The following CERKL variants were observed in gnomAD, a reference collection of about 807,000 sequenced individuals.
CERKL encodes CERK like autophagy regulator, also known as ceramide kinase-like protein.
A neutral mutation model predicts 63.4 loss-of-function variants in CERKL; 61 were observed. The ratio of observed to expected loss-of-function variants is 0.96; its 90% CI spans 0.78 to 1.19. The LOEUF is 1.19. Among genes scored for constraint, CERKL ranks in the 50% most tolerant of loss-of-function variants. The probability of loss-of-function intolerance (pLI) is 0.00; values close to 1 mark genes in which losing one functional copy is unlikely to be tolerated. For synonymous variants in CERKL, 250 were observed against 230.5 expected, an observed-to-expected ratio of 1.08 and a Z score of -0.77; for missense variants, 675 against 655.5, an observed-to-expected ratio of 1.03 and a Z score of -0.33.
At chr2:181,564,236 G>A (rs993806934) in intron 4 of CERKL, among the ~76,000 whole-genome samples, 2 of 152,036 alleles carry the variant, frequency 1.3e-5, no homozygotes, top group Non-Finnish European at 2.9e-5. Flanking sequence ...TTCCTAAAAG[G>A]CCACTGACTG....
At chr2:181,650,574 C>T (rs1478777954) in intron 1 of CERKL, among the ~76,000 whole-genome samples, 3 of 152,092 alleles carry the variant, frequency 2.0e-5, no homozygotes, top group Non-Finnish European at 2.9e-5. Flanking sequence ...GCCTGACCAA[C>T]ATGGAGAAAC....
chr2:181,647,189 G>A (rs1422503100), intron 1 of CERKL, among the ~76,000 whole-genome samples: 2 of 152,184 alleles, frequency 1.3e-5, no homozygotes, highest in South Asian at 2.1e-4. Flanking sequence ...GAATGGAAGC[G>A]AATGAAGGCT....
chr2:181,580,587 A>G (rs1347100592), intron 2 of CERKL, among the ~76,000 whole-genome samples: 1 of 152,178 alleles, frequency 6.6e-6, no homozygotes, highest in African/African-American at 2.4e-5. Flanking sequence ...CAGTTCTAGA[A>G]TAAGAAAACC....
At chr2:181,543,959 G>T in intron 11 of CERKL, among the ~76,000 whole-genome samples, 1 of 147,672 alleles carries the variant, frequency 6.8e-6, no homozygotes, top group Admixed American at 6.9e-5. Context: ...ACTCCAGCCT[G>T]GGTGACACAG....
At chr2:181,614,820 T>C (rs1398264856) in intron 1 of CERKL, among the ~76,000 whole-genome samples, 1 of 152,190 alleles carries the variant, frequency 6.6e-6, no homozygotes, top group Non-Finnish European at 1.5e-5. Context: ...TCTACCTTAA[T>C]GTTAAAACAT....
chr2:181,625,420 T>C (rs1686649366), intron 1 of CERKL, among the ~76,000 whole-genome samples: 1 of 151,934 alleles, frequency 6.6e-6, no homozygotes, highest in African/African-American at 2.4e-5. Context: ...GTTCAGTTAA[T>C]CCTCACAATA....
intron 1 of CERKL, among the ~76,000 whole-genome samples, chr2:181,639,155 G>T (rs1191545818): frequency 6.6e-6 from 1 of 152,158 alleles, no homozygotes; most frequent in Non-Finnish European, 1.5e-5. Flanking sequence ...TAAATTTGAA[G>T]AGTAGTAATA....
chr2:181,648,441 A>T (rs1687760228), intron 1 of CERKL, among the ~76,000 whole-genome samples: 1 of 152,192 alleles, frequency 6.6e-6, no homozygotes. Flanking sequence ...GACAAAAGAT[A>T]CTATATCCAG....
intron 2 of CERKL, among the ~76,000 whole-genome samples, chr2:181,598,978 C>G (rs1372777587): frequency 6.6e-6 from 1 of 152,022 alleles, no homozygotes; most frequent in East Asian, 1.9e-4. Flanking sequence ...TCCAACACTA[C>G]AAAAAGAGTG....
chr2:181,638,493 A>G (rs1178299703), intron 1 of CERKL, among the ~76,000 whole-genome samples: 1 of 152,206 alleles, frequency 6.6e-6, no homozygotes, highest in Non-Finnish European at 1.5e-5. Context: ...GATCAGTAAA[A>G]ATAATCATTG....
At chr2:181,636,222 G>A (rs976568920) in intron 1 of CERKL, among the ~76,000 whole-genome samples, 4 of 152,146 alleles carry the variant, frequency 2.6e-5, no homozygotes, top group Admixed American at 6.6e-5. Flanking sequence ...ATTTAAAAAC[G>A]AATTTGCGCA....
At chr2:181,557,663 C>T (rs894682509) in intron 5 of CERKL, among the ~76,000 whole-genome samples, 7 of 152,140 alleles carry the variant, frequency 4.6e-5, no homozygotes, top group Non-Finnish European at 8.8e-5. Context: ...GAACAAGCTC[C>T]AATCAGGTTG....
rs375947179 is a variant in CERKL, at chr2:181,653,511, G to A, written c.238+3258C>T. On this transcript the variant is annotated intron_variant, in intron 1 of 12. Coordinates refer to ENST00000410087, the MANE Select transcript of CERKL (RefSeq NM_201548.5). ...GCCAAGATATGGAATCAACCTAAGC[G>A]TACAACAATGGATGAATAAAGAAAA... is the stretch of plus-strand genomic sequence containing the variant. 9.2e-5 allele frequency among the ~76,000 whole-genome samples: 14 copies of A among 152,228 alleles called. No individual in the cohort carries two copies. In the South Asian group the frequency reaches 2.1e-3, roughly 23 times the overall value.
Position 181,537,376 on chromosome 2 carries a change from A to G in CERKL, c.*808T>C, listed in dbSNP as rs1273731431. On this transcript the variant is annotated 3_prime_UTR_variant, in exon 13 of 13. Coordinates refer to ENST00000410087, the MANE Select transcript of CERKL (RefSeq NM_201548.5). ...TCAGATACAAGGGGAACACAATTAC[A>G]TATTGGGCTAGATTTTGCCCAGTTC... The G allele has an allele frequency of 2.2e-6, 1 of 453,892 alleles. No individual in the cohort carries two copies. The highest frequency in any genetic ancestry group is 7.0e-5 in the East Asian group (1 of 14,360). 28.1% of individuals were successfully genotyped at this position (453,892 alleles called of 1,614,324 possible). A position where few individuals can be genotyped will look rare whatever the true frequency, so the allele number is the denominator to read the frequency against.
At position 181,536,883 on chromosome 2, in the gene CERKL, G is replaced by A. The variant is rs1687143005; in HGVS notation, c.*1301C>T. On this transcript the variant is annotated 3_prime_UTR_variant, in exon 13 of 13. Coordinates refer to ENST00000410087, the MANE Select transcript of CERKL (RefSeq NM_201548.5). ...GCCGAATTTTGAACATCTGTTATAG[G>A]GAGTGATCAAATTAGAAGGCAATGT... 1 of 452,676 alleles carries A rather than the reference G, an allele frequency of 2.2e-6. No homozygotes were observed. Among genetic ancestry groups the A allele is most frequent in the African/African-American group, 2.0e-5 (1 of 49,884 alleles). 28.0% of individuals were successfully genotyped at this position (452,676 alleles called of 1,614,324 possible). A position where few individuals can be genotyped will look rare whatever the true frequency, so the allele number is the denominator to read the frequency against.
intron 3 of CERKL, among the ~76,000 whole-genome samples, chr2:181,569,872 A>T (rs1688829660): frequency 6.6e-6 from 1 of 152,138 alleles, no homozygotes. Flanking sequence ...AAAAATTACA[A>T]AGAGGCGAAT....
chr2:181,599,743 T>C (rs1283326889), intron 2 of CERKL, among the ~76,000 whole-genome samples: 1 of 152,068 alleles, frequency 6.6e-6, no homozygotes, highest in African/African-American at 2.4e-5. Context: ...GCATTCTTGA[T>C]GGAGAAGAGG....
intron 1 of CERKL, among the ~76,000 whole-genome samples, chr2:181,617,753 C>T (rs58553086): frequency 0.18 from 27,056 of 152,064 alleles, 3,800 homozygotes; most frequent in African/African-American, 0.39. Context: ...TTTCAAATAG[C>T]AAACTACAAT....
intron 10 of CERKL, among the ~76,000 whole-genome samples, chr2:181,545,599 A>G (rs1369871992): frequency 2.0e-5 from 3 of 152,338 alleles, no homozygotes; most frequent in Middle Eastern, 6.8e-3. Flanking sequence ...AGATTATCTC[A>G]TCATTCGCTC....
Sources: allele counts gnomAD v4.1 joint callset (sites outside exome capture counted in the v4.1 genomes callset), GRCh38; gene constraint gnomAD v4.1.1; transcripts MANE v1.5; gene names NCBI Gene and HGNC (gene_info 2026-07-23, HGNC 2026-07-21).